The following LRMDA variants were observed in gnomAD, a reference collection of about 807,000 sequenced individuals.
The protein encoded by LRMDA is leucine rich melanocyte differentiation associated, also known as leucine-rich melanocyte differentiation-associated protein.
Under a neutral mutation model 29.8 loss-of-function variants are expected in LRMDA, and 18 were observed. That is an observed-to-expected ratio of 0.60 (90% confidence interval 0.42 to 0.90). LRMDA has a LOEUF of 0.90. Among genes scored for constraint, LRMDA ranks in the 40% least tolerant of loss-of-function variants. The pLI is 0.00. For missense variants in LRMDA, 273 were observed against 273.9 expected, an observed-to-expected ratio of 1.00 and a Z score of 0.02; for synonymous variants, 125 against 109.4, an observed-to-expected ratio of 1.14 and a Z score of -0.89.
chr10:75,507,617 A>C (rs965249951), intron 2 of LRMDA, among the ~76,000 whole-genome samples: 3 of 152,146 alleles, frequency 2.0e-5, no homozygotes, highest in Admixed American at 6.5e-5. Flanking sequence ...TTTCGGAGCC[A>C]GTTCCTATTC....
At chr10:76,452,224 A>G (rs540202210) in intron 6 of LRMDA, among the ~76,000 whole-genome samples, 7 of 152,274 alleles carry the variant, frequency 4.6e-5, no homozygotes, top group African/African-American at 1.7e-4. Flanking sequence ...GTGAGGGAGC[A>G]TTCAATTTGG....
intron 2 of LRMDA, among the ~76,000 whole-genome samples, chr10:75,488,268 T>TA (rs917539691): frequency 1.3e-5 from 2 of 151,968 alleles, no homozygotes; most frequent in African/African-American, 2.4e-5. Context: ...TCCTTTTTCT[T>TA]AAAAAAAAGA....
At chr10:76,025,603 A>G (rs1015793973) in intron 2 of LRMDA, among the ~76,000 whole-genome samples, 1 of 152,132 alleles carries the variant, frequency 6.6e-6, no homozygotes, top group Non-Finnish European at 1.5e-5. Flanking sequence ...TCATGTTGGA[A>G]ATGGATACCA....
intron 2 of LRMDA, among the ~76,000 whole-genome samples, chr10:75,802,954 GTATATA>G (rs1172110612): frequency 1.3e-4 from 17 of 127,558 alleles, no homozygotes; most frequent in Middle Eastern, 4.2e-3. Context: ...GTGTGTGTGT[GTATATA>G]TATATATATA....
At chr10:75,483,345 G>C (rs1490764469) in intron 2 of LRMDA, among the ~76,000 whole-genome samples, 1 of 152,162 alleles carries the variant, frequency 6.6e-6, no homozygotes, top group Non-Finnish European at 1.5e-5. Flanking sequence ...TAGAAACAGA[G>C]ATCAAGCCTT....
chr10:76,468,658 A>C (rs78695372), intron 6 of LRMDA, among the ~76,000 whole-genome samples: 3,270 of 152,292 alleles, frequency 0.021, 121 homozygotes, highest in African/African-American at 0.073. Flanking sequence ...ATTTTCAGGT[A>C]TACACATCTG....
intron 2 of LRMDA, among the ~76,000 whole-genome samples, chr10:75,685,981 C>T (rs1261058037): frequency 6.6e-6 from 1 of 152,178 alleles, no homozygotes; most frequent in Non-Finnish European, 1.5e-5. Flanking sequence ...CTTATCATCT[C>T]TGTTTTACAG....
intron 6 of LRMDA, among the ~76,000 whole-genome samples, chr10:76,472,322 G>T (rs979281078): frequency 6.6e-6 from 1 of 151,594 alleles, no homozygotes; most frequent in Non-Finnish European, 1.5e-5. Context: ...AGTCAAAGAA[G>T]AAGCAATAAA....
chr10:75,957,560 G>C (rs1221784203), intron 2 of LRMDA, among the ~76,000 whole-genome samples: 1 of 152,166 alleles, frequency 6.6e-6, no homozygotes, highest in African/African-American at 2.4e-5. Context: ...ATGAATGAGG[G>C]AGCAAGTGTC....
intron 6 of LRMDA, among the ~76,000 whole-genome samples, chr10:76,411,702 A>G (rs1907344): frequency 0.11 from 16,668 of 152,242 alleles, 1,082 homozygotes; most frequent in East Asian, 0.21. Flanking sequence ...AGGTAGAGAG[A>G]AGTGAATGCA....
At chr10:75,803,217 T>C (rs1843788323) in intron 2 of LRMDA, among the ~76,000 whole-genome samples, 1 of 152,210 alleles carries the variant, frequency 6.6e-6, no homozygotes, top group Non-Finnish European at 1.5e-5. Flanking sequence ...AGAGGCATTT[T>C]ACCAAACCTT....
chr10:76,527,642 G>A (rs529296711), intron 6 of LRMDA, among the ~76,000 whole-genome samples: 13 of 152,206 alleles, frequency 8.5e-5, no homozygotes, highest in Admixed American at 2.0e-4. Context: ...TGTTGTAATC[G>A]TTGAATGAGA....
intron 2 of LRMDA, among the ~76,000 whole-genome samples, chr10:75,891,318 A>G (rs1845486937): frequency 1.3e-5 from 2 of 152,160 alleles, no homozygotes; most frequent in African/African-American, 4.8e-5. Context: ...GACCTGCAGC[A>G]TTGGCATTTT....
At chr10:76,509,349 T>G (rs544505032) in intron 6 of LRMDA, among the ~76,000 whole-genome samples, 1 of 152,268 alleles carries the variant, frequency 6.6e-6, no homozygotes, top group South Asian at 2.1e-4. Context: ...GATGAAGGGT[T>G]GGGAGAACAG....
At chr10:76,304,099 G>T (rs1457928525) in intron 5 of LRMDA, among the ~76,000 whole-genome samples, 1 of 152,142 alleles carries the variant, frequency 6.6e-6, no homozygotes. Context: ...ACTCCTGGGG[G>T]CTTCATTTGG....
intron 6 of LRMDA, among the ~76,000 whole-genome samples, chr10:76,410,498 A>G (rs1369048224): frequency 6.6e-6 from 1 of 151,672 alleles, no homozygotes; most frequent in African/African-American, 2.4e-5. Flanking sequence ...TTGTAGAGAC[A>G]GAGTTTTGCC....
chr10:76,545,585 C>G (rs986275920), intron 6 of LRMDA, among the ~76,000 whole-genome samples: 7 of 151,440 alleles, frequency 4.6e-5, no homozygotes, highest in African/African-American at 1.7e-4. Context: ...TTGCACATTA[C>G]TAAAATTTGA....
chr10:76,365,261 C>G (rs1392262351), intron 6 of LRMDA, among the ~76,000 whole-genome samples: 1 of 151,544 alleles, frequency 6.6e-6, no homozygotes, highest in Non-Finnish European at 1.5e-5. Context: ...TGGCTAGATA[C>G]CCAGTAGTGG....
chr10:75,453,220 G>T (rs973853363), intron 2 of LRMDA, among the ~76,000 whole-genome samples: 22 of 152,234 alleles, frequency 1.4e-4, no homozygotes, highest in African/African-American at 5.1e-4. Flanking sequence ...GAAAATGTGT[G>T]AAGAAGAGCT....
Sources: gnomAD v4.1 joint callset for allele counts (sites outside exome capture counted in the v4.1 genomes callset) on GRCh38, gnomAD v4.1.1 for gene constraint, MANE v1.5 for transcripts, NCBI Gene and HGNC (gene_info 2026-07-23, HGNC 2026-07-21) for gene names.